Variants in GC observed in about 807,000 individuals in gnomAD.
GC encodes the protein GC vitamin D binding protein, also known as vitamin D-binding protein.
GC carries 43 observed loss-of-function variants against 56.7 expected under a neutral mutation model. The ratio of observed to expected loss-of-function variants is 0.76; its 90% CI spans 0.59 to 0.98. The LOEUF (loss-of-function observed/expected upper bound fraction) is 0.98, where lower values mean the gene tolerates loss of function less well. GC is among the 50% of genes least tolerant of loss of function. The probability of loss-of-function intolerance (pLI) is 0.00; values close to 1 mark genes in which losing one functional copy is unlikely to be tolerated. For synonymous variants in GC, 216 were observed against 202.7 expected (o/e 1.07, Z -0.56); for missense variants, 529 against 545.9 (o/e 0.97, Z 0.31).
intron 1 of GC, among the ~76,000 whole-genome samples, chr4:71,803,034 TAGAA>T (rs1392828086): frequency 2.6e-5 from 4 of 152,280 alleles, no homozygotes; most frequent in South Asian, 4.1e-4. Context: ...GTGAATGAGA[TAGAA>T]AGAAAGGGAT....
At chr4:71,785,895 T>G (rs1168141042), upstream of GC, 1 of 151,826 alleles carries the variant, frequency 6.6e-6, no homozygotes, top group Admixed American at 6.6e-5. Flanking sequence ...TCATTTTTCT[T>G]TAAGATAATA....
At chr4:71,754,095 A>G (rs1438155157) in intron 10 of GC, among the ~76,000 whole-genome samples, 8 of 152,144 alleles carry the variant, frequency 5.3e-5, no homozygotes, top group Non-Finnish European at 7.4e-5. Context: ...GTACAAGTGC[A>G]TTTTTGTTAC....
intron 7 of GC, among the ~76,000 whole-genome samples, 200 bp downstream of exon 7, chr4:71,757,842 G>GT (rs1741834574): frequency 1.3e-5 from 2 of 152,242 alleles, no homozygotes; most frequent in African/African-American, 2.4e-5. Flanking sequence ...TAGTTGTGTG[G>GT]TAACAAATTA....
chr4:71,759,981 A>G (rs1246468276), intron 6 of GC, among the ~76,000 whole-genome samples: 2 of 152,054 alleles, frequency 1.3e-5, no homozygotes, highest in African/African-American at 4.8e-5. Flanking sequence ...AGAAAGGACT[A>G]GAGAAACTGT....
chr4:71,805,049 C>A (rs530784063), upstream of GC, among the ~76,000 whole-genome samples: 195 of 152,156 alleles, frequency 1.3e-3, 2 homozygotes, highest in South Asian at 0.016. Flanking sequence ...GTACCCATTG[C>A]CCTTGTGCAT....
Position 71,782,571 on chromosome 4 carries a change from A to G in GC, c.58+1390T>C, listed in dbSNP as rs146879053. Among the ~76,000 whole-genome samples the G allele has an allele frequency of 6.1e-3, 919 of 151,900 alleles. 10 individuals are homozygous for G. The highest frequency in any genetic ancestry group is 0.022 in the African/African-American group (899 of 41,490). ...ATCTGAGGACTGCTGAGAATGTTGA[A>G]ATATAGATTGCAGAATGCTCTGTTA... On this transcript the variant is annotated intron_variant, in intron 1 of 12. Transcript: ENST00000273951.
At chr4:71,775,345 A>G (rs969942116) in intron 1 of GC, among the ~76,000 whole-genome samples, 1 of 151,946 alleles carries the variant, frequency 6.6e-6, no homozygotes, top group African/African-American at 2.4e-5. Context: ...AGTATTATAA[A>G]ATCTGAAGAA....
Position 71,754,831 on chromosome 4 carries a change from TCCCAACAATGTAAAA to T in GC, c.1164+132_1164+146del, listed in dbSNP as rs1179814539. 35 of 600,660 alleles carry T rather than the reference TCCCAACAATGTAAAA, an allele frequency of 5.8e-5. No homozygotes were observed. In the East Asian group the frequency reaches 1.0e-3, roughly 18 times the overall value. The allele number at this position is 600,660 out of a possible 1,614,324, so 37.2% of individuals were successfully genotyped here. ...AGATACTGATGTTCTTTTGCTTTTT[TCCCAACAATGTAAAA>T]ATGTAAAACCATTCTTCTGTTCTTA... is the stretch of plus-strand genomic sequence containing the variant. On this transcript the variant is annotated intron_variant, in intron 9 of 12. Transcript: ENST00000273951.
intron 11 of GC, among the ~76,000 whole-genome samples, chr4:71,748,081 A>G (rs1741433449): frequency 1.3e-5 from 2 of 152,190 alleles, no homozygotes; most frequent in Non-Finnish European, 2.9e-5. Context: ...TTTTTCTAAC[A>G]TCATATAACC....
chr4:71,782,267 C>G (rs1258802712), intron 1 of GC, among the ~76,000 whole-genome samples: 1 of 151,756 alleles, frequency 6.6e-6, no homozygotes. Context: ...TAAGAGTTCT[C>G]AGAACTCCCT....
chr4:71,768,511 C>G, intron 2 of GC, 78 bp from the exon 3 acceptor site: 1 of 1,317,072 alleles, frequency 7.6e-7, no homozygotes, highest in Non-Finnish European at 1.0e-6. Context: ...CTCTGTTACC[C>G]AGGCTGGAGT....
At chr4:71,766,615 C>T (rs1029069126) in intron 3 of GC, among the ~76,000 whole-genome samples, 4 of 152,092 alleles carry the variant, frequency 2.6e-5, no homozygotes, top group Non-Finnish European at 5.9e-5. Flanking sequence ...GGTAAAATTT[C>T]TAAAAATCTT....
At chr4:71,749,725 C>T (rs1741486393) in intron 11 of GC, among the ~76,000 whole-genome samples, 1 of 152,140 alleles carries the variant, frequency 6.6e-6, no homozygotes, top group Non-Finnish European at 1.5e-5. Context: ...CCAAAATATT[C>T]TGACAATCCA....
At chr4:71,799,828 A>G (rs1224736551) in intron 1 of GC, among the ~76,000 whole-genome samples, 3 of 152,156 alleles carry the variant, frequency 2.0e-5, no homozygotes, top group African/African-American at 7.2e-5. Flanking sequence ...TTCATTGGAG[A>G]TGTAGTCTAA....
chr4:71,797,877 T>A (rs1330378483), intron 1 of GC, among the ~76,000 whole-genome samples: 2 of 152,240 alleles, frequency 1.3e-5, no homozygotes, highest in Non-Finnish European at 2.9e-5. Context: ...AATGGTTTTT[T>A]AAAAATCAAA....
chr4:71,753,505 G>A (rs1418079707), intron 10 of GC, among the ~76,000 whole-genome samples: 3 of 150,886 alleles, frequency 2.0e-5, no homozygotes, highest in Admixed American at 6.6e-5. Flanking sequence ...AAAGAAAGTT[G>A]GGGGGAGGAG....
intron 11 of GC, among the ~76,000 whole-genome samples, chr4:71,748,463 T>G (rs1258572025): frequency 6.6e-6 from 1 of 152,132 alleles, no homozygotes; most frequent in East Asian, 1.9e-4. Context: ...CAATGACTTT[T>G]GGAATACTTT....
upstream of GC, among the ~76,000 whole-genome samples, chr4:71,805,291 T>C (rs927567203): frequency 6.6e-6 from 1 of 152,158 alleles, no homozygotes; most frequent in Non-Finnish European, 1.5e-5. Context: ...CCCTCAAACT[T>C]GGAAATCCCA....
chr4:71,744,859 G>T (rs187691385), intron 12 of GC, among the ~76,000 whole-genome samples: 1 of 152,294 alleles, frequency 6.6e-6, no homozygotes, highest in East Asian at 1.9e-4. Context: ...CAGCAACAGA[G>T]ATCAGAAACT....
Sources: gnomAD v4.1 joint callset for allele counts (sites outside exome capture counted in the v4.1 genomes callset) on GRCh38, gnomAD v4.1.1 for gene constraint, MANE v1.5 for transcripts, NCBI Gene and HGNC (gene_info 2026-07-23, HGNC 2026-07-21) for gene names.